Variants in GALNTL6 observed in about 807,000 individuals in gnomAD.
GALNTL6 encodes the protein polypeptide N-acetylgalactosaminyltransferase like 6.
In GALNTL6, 46 loss-of-function variants were observed where a neutral mutation model predicts 73.7. The ratio of observed to expected loss-of-function variants is 0.62; its 90% CI spans 0.49 to 0.80. GALNTL6 has a LOEUF of 0.80. Among genes scored for constraint, GALNTL6 ranks in the 30% least tolerant of loss-of-function variants. GALNTL6 has a pLI of 0.00. For missense variants in GALNTL6, 604 were observed against 755.0 expected (o/e 0.80, Z 2.34); for synonymous variants, 259 against 263.7 (o/e 0.98, Z 0.17).
At chr4:172,522,355 A>G (rs539891534) in intron 5 of GALNTL6, among the ~76,000 whole-genome samples, 539 of 152,300 alleles carry the variant, frequency 3.5e-3, no homozygotes, top group Non-Finnish European at 6.5e-3. Context: ...CTTCTCTTCC[A>G]TTCTCTGGTT....
intron 2 of GALNTL6, among the ~76,000 whole-genome samples, chr4:172,116,558 C>T (rs560048060): frequency 3.3e-5 from 5 of 152,296 alleles, no homozygotes; most frequent in Admixed American, 3.3e-4. Flanking sequence ...GCATAGGCTA[C>T]TGCCCCAGGC....
intron 9 of GALNTL6, among the ~76,000 whole-genome samples, chr4:172,933,456 T>C (rs1412811393): frequency 6.6e-6 from 1 of 152,108 alleles, no homozygotes; most frequent in Non-Finnish European, 1.5e-5. Context: ...GGTTGGCACA[T>C]AAAACTTCCA....
At chr4:172,481,308 C>T (rs778912572) in intron 5 of GALNTL6, among the ~76,000 whole-genome samples, 1 of 145,244 alleles carries the variant, frequency 6.9e-6, no homozygotes, top group Admixed American at 7.0e-5. Flanking sequence ...AGCTGCAGAC[C>T]TTCATGGTGA....
At chr4:172,396,389 G>A (rs1166151974) in intron 5 of GALNTL6, among the ~76,000 whole-genome samples, 1 of 150,690 alleles carries the variant, frequency 6.6e-6, no homozygotes, top group Non-Finnish European at 1.5e-5. Flanking sequence ...CTGCAGCAAG[G>A]ACATTTAAAG....
chr4:172,066,324 T>A, intron 2 of GALNTL6, among the ~76,000 whole-genome samples: 1 of 152,222 alleles, frequency 6.6e-6, no homozygotes, highest in East Asian at 1.9e-4. Context: ...TTTTCCAGAA[T>A]GTCATATTTT....
At chr4:172,643,819 A>G (rs924192935) in intron 5 of GALNTL6, among the ~76,000 whole-genome samples, 2 of 151,870 alleles carry the variant, frequency 1.3e-5, no homozygotes, top group African/African-American at 4.8e-5. Flanking sequence ...CTGCTGATGG[A>G]TATTTTGGGT....
chr4:172,882,810 G>A lies in GALNTL6; in HGVS notation c.944G>A (p.Gly315Asp). The A allele has an allele frequency of 6.2e-7, 1 of 1,611,518 alleles. No individual in the cohort carries two copies. ...DPFESPVMAG[G>D]LFAVDRKWFW... is the part of the protein sequence containing the mutation. ...CACAGGTCTCCTGTTATGGCTGGAGGTCTCTTTGCTGTGGATCGGAAATGG... is the reference window on the plus strand; with the variant it reads ...CACAGGTCTCCTGTTATGGCTGGAGATCTCTTTGCTGTGGATCGGAAATGG... The change falls in exon 8 of 13, where the codon GGT (glycine) becomes GAT (aspartate). Residue 315 changes from glycine (G) to aspartate (D), a missense_variant. By Grantham distance (94) the Gly-to-Asp change is moderately conservative (BLOSUM62 -1). This residue lies in a region of GALNTL6 where 179 missense variants were observed against 230.8 expected (regional missense o/e 0.78). Coordinates refer to ENST00000506823, the MANE Select transcript of GALNTL6 (RefSeq NM_001034845.3).
At chr4:172,382,778 G>T (rs1347191262) in intron 5 of GALNTL6, among the ~76,000 whole-genome samples, 2 of 151,874 alleles carry the variant, frequency 1.3e-5, no homozygotes, top group African/African-American at 4.8e-5. Context: ...TGCCTATTGT[G>T]TGAAATAGGG....
chr4:172,544,673 A>C (rs992079957), intron 5 of GALNTL6, among the ~76,000 whole-genome samples: 3 of 152,136 alleles, frequency 2.0e-5, no homozygotes, highest in Non-Finnish European at 2.9e-5. Flanking sequence ...ATTTAAAATA[A>C]AGTTCTGGTA....
rs576427412 is a variant in GALNTL6 at position 172,701,097 on chromosome 4, C to A, written c.554-108264C>A. On this transcript the variant is annotated intron_variant, in intron 5 of 12. Coordinates refer to ENST00000506823, the MANE Select transcript of GALNTL6 (RefSeq NM_001034845.3). ...AGAGACACCATGGCTGTCTTTTCCT[C>A]ACATTTCTCATCTTATTTACTAATA... 3.9e-5 allele frequency among the ~76,000 whole-genome samples: 6 copies of A among 152,200 alleles called. No individual in the cohort carries two copies. The South Asian group carries it at 1.2e-3, about 32-fold the overall frequency.
intron 5 of GALNTL6, among the ~76,000 whole-genome samples, chr4:172,795,119 C>T (rs890694546): frequency 9.9e-5 from 15 of 152,100 alleles, no homozygotes; most frequent in South Asian, 2.1e-4. Flanking sequence ...TGGAGAAAGG[C>T]GGAGATCAAA....
At chr4:172,651,282 CTATAAAAGGGAAATGA>C (rs1740465287) in intron 5 of GALNTL6, among the ~76,000 whole-genome samples, 1 of 152,090 alleles carries the variant, frequency 6.6e-6, no homozygotes, top group Non-Finnish European at 1.5e-5. Context: ...GTAATGAGTT[CTATAAAAGGGAAATGA>C]TATTGCAACA....
At chr4:172,857,630 T>C (rs1029147711) in intron 7 of GALNTL6, among the ~76,000 whole-genome samples, 1 of 152,188 alleles carries the variant, frequency 6.6e-6, no homozygotes, top group East Asian at 1.9e-4. Flanking sequence ...GGTCACTTAA[T>C]TGACATATCT....
chr4:172,688,526 A>G (rs946836725), intron 5 of GALNTL6, among the ~76,000 whole-genome samples: 5 of 152,196 alleles, frequency 3.3e-5, no homozygotes, highest in African/African-American at 1.2e-4. Flanking sequence ...GAACAACCCA[A>G]AAATCCCCCT....
At chr4:172,327,905 T>C (rs1740997202) in intron 4 of GALNTL6, among the ~76,000 whole-genome samples, 1 of 152,142 alleles carries the variant, frequency 6.6e-6, no homozygotes, top group South Asian at 2.1e-4. Flanking sequence ...AATATTGATA[T>C]GTGTCGATAT....
At chr4:172,836,731 A>G (rs927345697) in intron 7 of GALNTL6, among the ~76,000 whole-genome samples, 4 of 152,234 alleles carry the variant, frequency 2.6e-5, no homozygotes, top group Admixed American at 2.6e-4. Context: ...GTCTCATGCC[A>G]TTAGCCTTGA....
At chr4:172,982,352 G>C (rs1441675003) in intron 10 of GALNTL6, among the ~76,000 whole-genome samples, 2 of 152,176 alleles carry the variant, frequency 1.3e-5, no homozygotes, top group Non-Finnish European at 2.9e-5. Context: ...AGCTAAACTA[G>C]AGGGAGGAAC....
chr4:172,955,860 G>A (rs1314780471), intron 10 of GALNTL6, among the ~76,000 whole-genome samples: 1 of 151,936 alleles, frequency 6.6e-6, no homozygotes, highest in Non-Finnish European at 1.5e-5. Context: ...GGGTCACAAG[G>A]TGCTCAGTGG....
intron 10 of GALNTL6, among the ~76,000 whole-genome samples, chr4:172,957,037 C>T (rs1274209360): frequency 6.6e-6 from 1 of 152,132 alleles, no homozygotes; most frequent in Non-Finnish European, 1.5e-5. Context: ...GTGGGAAAGG[C>T]CTCTACCTAT....
Sources: allele counts gnomAD v4.1 joint callset (sites outside exome capture counted in the v4.1 genomes callset), GRCh38; gene constraint gnomAD v4.1.1; regional missense constraint gnomAD v4.1.1; transcripts MANE v1.5; gene names NCBI Gene and HGNC (gene_info 2026-07-23, HGNC 2026-07-21).